Variants in NFKB1 observed in about 807,000 individuals in gnomAD.
NFKB1 encodes nuclear factor NF-kappa-B p105 subunit.
In NFKB1, 9 loss-of-function variants were observed where a neutral mutation model predicts 105.1. The observed-to-expected ratio is 0.09, with a 90% confidence interval of 0.05 to 0.15. NFKB1 has a LOEUF of 0.15. Ranked by LOEUF, NFKB1 falls within the 10% of genes least tolerant of loss-of-function variation. The pLI is 1.00. For missense variants in NFKB1, 830 were observed against 1,203.7 expected, an observed-to-expected ratio of 0.69 and a Z score of 4.59; for synonymous variants, 440 against 442.2, an observed-to-expected ratio of 1.00 and a Z score of 0.06.
At position 102,597,508 on chromosome 4, in the gene NFKB1, A is replaced by G. The variant is rs531595843; in HGVS notation, c.1496-12A>G. ...GGAACACTCAACTATGATTGTGGTC[A>G]TTGCCTTACAGATAACCTCTTTCTA... On this transcript the variant is annotated splice_polypyrimidine_tract_variant and intron_variant, in intron 14 of 23. Transcript: ENST00000226574. 1.1e-4 allele frequency: 174 copies of G among 1,603,372 alleles called. No individual in the cohort carries two copies. In the South Asian group the frequency reaches 1.9e-3, roughly 17 times the overall value.
intron 1 of NFKB1, among the ~76,000 whole-genome samples, chr4:102,524,650 T>A (rs775843144): frequency 2.6e-5 from 4 of 152,150 alleles, no homozygotes; most frequent in Non-Finnish European, 4.4e-5. Flanking sequence ...GTAGAATCAG[T>A]AGGAGACCTG....
intron 15 of NFKB1, among the ~76,000 whole-genome samples, chr4:102,600,517 A>G (rs1727050941): frequency 1.3e-5 from 2 of 152,200 alleles, no homozygotes. Flanking sequence ...TGTGTCAGGA[A>G]AAGTCAGGGG....
intron 9 of NFKB1, among the ~76,000 whole-genome samples, chr4:102,581,645 C>T (rs188502414): frequency 1.6e-3 from 242 of 152,136 alleles, no homozygotes; most frequent in Middle Eastern, 0.014. Flanking sequence ...CAGAGCGAGA[C>T]CCTGTCTCAA....
At chr4:102,583,617 G>A (rs1187278207) in intron 10 of NFKB1, among the ~76,000 whole-genome samples, 1 of 152,142 alleles carries the variant, frequency 6.6e-6, no homozygotes, top group Non-Finnish European at 1.5e-5. Context: ...CACCTTAAAA[G>A]GGTGTTCTAG....
intron 5 of NFKB1, among the ~76,000 whole-genome samples, chr4:102,562,628 G>A (rs981458230): frequency 6.6e-6 from 1 of 152,174 alleles, no homozygotes; most frequent in African/African-American, 2.4e-5. Flanking sequence ...AAAGTCCTAT[G>A]AAATCAAGTG....
At chr4:102,601,540 A>G (rs937936765) in intron 16 of NFKB1, among the ~76,000 whole-genome samples, 2 of 152,216 alleles carry the variant, frequency 1.3e-5, no homozygotes, top group African/African-American at 4.8e-5. Context: ...TGGGAACACC[A>G]GAGTTTTGCC....
intron 4 of NFKB1, among the ~76,000 whole-genome samples, chr4:102,535,897 G>T (rs372711370): frequency 2.0e-4 from 28 of 142,184 alleles, no homozygotes; most frequent in African/African-American, 4.8e-4. Flanking sequence ...GGTTTTTTTT[G>T]TTTTTTTTTT....
chr4:102,611,955 G>A (rs1560721778), intron 20 of NFKB1, 89 bp from the exon 21 acceptor site: 2 of 1,002,748 alleles, frequency 2.0e-6, no homozygotes, highest in East Asian at 5.0e-5. Context: ...TCCTAAGGAG[G>A]ACATGCTGAG....
At chr4:102,550,454 AT>A (rs2149142449) in intron 5 of NFKB1, among the ~76,000 whole-genome samples, 1 of 152,234 alleles carries the variant, frequency 6.6e-6, no homozygotes, top group South Asian at 2.1e-4. Context: ...CATAATTCTA[AT>A]TCCAATCCAA....
In NFKB1 at chr4:102,613,469, A is replaced by G. The variant is rs199668563; in HGVS notation, c.2637A>G (p.Gln879=). Residue 879 remains glutamine (Q), a synonymous_variant, in exon 23 of 24, where the codon CAA becomes CAG. Transcript: ENST00000226574. ...GAGAGCTGGTGGAGGCCCTGAGACA[A>G]ATGGGCTACACCGAAGCAATTGAAG... is the stretch of plus-strand genomic sequence containing the variant. ...TVRELVEALR[Q]MGYTEAIEVI... is the part of the protein sequence containing the mutation. 3.1e-6 allele frequency: 5 copies of G among 1,613,788 alleles called. No individual in the cohort carries two copies. Among genetic ancestry groups the G allele is most frequent in the Admixed American group, 1.7e-5 (1 of 59,996 alleles).
At chr4:102,582,365 A>G (rs1452182001) in intron 9 of NFKB1, among the ~76,000 whole-genome samples, 2 of 152,216 alleles carry the variant, frequency 1.3e-5, no homozygotes, top group Non-Finnish European at 2.9e-5. Flanking sequence ...TTGCAAAGTG[A>G]GGATAATAAT....
At chr4:102,522,407 C>T (rs1464937966) in intron 1 of NFKB1, among the ~76,000 whole-genome samples, 1 of 152,168 alleles carries the variant, frequency 6.6e-6, no homozygotes, top group Admixed American at 6.5e-5. Context: ...TGCTGTTAGG[C>T]TTTTGAAACT....
intron 1 of NFKB1, among the ~76,000 whole-genome samples, chr4:102,519,097 C>G (rs1184706237): frequency 6.6e-6 from 1 of 151,928 alleles, no homozygotes; most frequent in East Asian, 1.9e-4. Flanking sequence ...AGTACAGGAA[C>G]TGCATCACTC....
At chr4:102,534,234 G>C (rs1341867597) in intron 4 of NFKB1, among the ~76,000 whole-genome samples, 1 of 152,148 alleles carries the variant, frequency 6.6e-6, no homozygotes, top group African/African-American at 2.4e-5. Context: ...AAATACGTAT[G>C]CATACAGTTC....
intron 12 of NFKB1, 119 bp from the exon 13 acceptor site, chr4:102,594,773 G>A: frequency 1.7e-6 from 1 of 600,738 alleles, no homozygotes; most frequent in Non-Finnish European, 3.0e-6. Flanking sequence ...ACCATGTGTG[G>A]GCACAATACT....
intron 5 of NFKB1, among the ~76,000 whole-genome samples, chr4:102,538,274 T>C (rs1472461037): frequency 1.3e-5 from 2 of 152,180 alleles, no homozygotes; most frequent in Non-Finnish European, 2.9e-5. Flanking sequence ...AATGGTTGAT[T>C]TTGACTCTTT....
chr4:102,617,023 A>G lies in NFKB1; in HGVS notation c.*429A>G, dbSNP rs1192189623. On this transcript the variant is annotated 3_prime_UTR_variant, in exon 24 of 24. Coordinates refer to ENST00000226574, the MANE Select transcript of NFKB1 (RefSeq NM_003998.4). ...GGGTTAAGAAAAGAGATATTTTAAAATGAGAGTCACTTGATGTGCCATTTT... is the reference window on the plus strand; with the variant it reads ...GGGTTAAGAAAAGAGATATTTTAAAGTGAGAGTCACTTGATGTGCCATTTT... 6.6e-6 allele frequency: 1 copy of G among 151,006 alleles called. No homozygotes were observed. The highest frequency in any genetic ancestry group is 1.9e-4 in the East Asian group (1 of 5,198). 9.4% of individuals were successfully genotyped at this position (151,006 alleles called of 1,614,324 possible). A position where few individuals can be genotyped will look rare whatever the true frequency, so the allele number is the denominator to read the frequency against.
intron 5 of NFKB1, among the ~76,000 whole-genome samples, chr4:102,561,264 CCTTT>C: frequency 8.9e-6 from 1 of 111,732 alleles, no homozygotes; most frequent in Non-Finnish European, 1.7e-5. Context: ...TTCTTTCTTT[CCTTT>C]TTTTTTTTTT....
intron 1 of NFKB1, among the ~76,000 whole-genome samples, chr4:102,516,110 C>G (rs2149103488): frequency 6.6e-6 from 1 of 152,046 alleles, no homozygotes; most frequent in Non-Finnish European, 1.5e-5. Flanking sequence ...AAACATCATG[C>G]TTATCATGCT....
Sources: gnomAD v4.1 joint callset for allele counts (sites outside exome capture counted in the v4.1 genomes callset) on GRCh38, gnomAD v4.1.1 for gene constraint, MANE v1.5 for transcripts, NCBI Gene and HGNC (gene_info 2026-07-23, HGNC 2026-07-21) for gene names.